ZCCHC17: variants seen among roughly 807,000 people sequenced by gnomAD.
ZCCHC17 encodes zinc finger CCHC domain-containing protein 17.
A neutral mutation model predicts 30.6 loss-of-function variants in ZCCHC17; 18 were observed. The ratio of observed to expected loss-of-function variants is 0.59; its 90% CI spans 0.41 to 0.87. The LOEUF (loss-of-function observed/expected upper bound fraction) is 0.87, where lower values mean the gene tolerates loss of function less well. Ranked by LOEUF, ZCCHC17 falls within the 40% of genes least tolerant of loss-of-function variation. The pLI is 0.00. For missense variants in ZCCHC17, 263 were observed against 284.2 expected, an observed-to-expected ratio of 0.93 and a Z score of 0.54; for synonymous variants, 88 against 92.4, an observed-to-expected ratio of 0.95 and a Z score of 0.27.
chr1:31,363,182 CTTTTTTTT>C (rs374893533), intron 7 of ZCCHC17, among the ~76,000 whole-genome samples: 1 of 135,644 alleles, frequency 7.4e-6, no homozygotes, highest in Non-Finnish European at 1.6e-5. Flanking sequence ...ATGTCTTATA[CTTTTTTTT>C]TTTTTTTTTT....
intron 3 of ZCCHC17, among the ~76,000 whole-genome samples, chr1:31,326,852 A>G (rs937373345): frequency 3.9e-5 from 6 of 152,186 alleles, no homozygotes; most frequent in Non-Finnish European, 8.8e-5. Flanking sequence ...CTTACAGTGT[A>G]TCTTAGTTTC....
intron 6 of ZCCHC17, among the ~76,000 whole-genome samples, chr1:31,348,071 G>A (rs189439530): frequency 1.3e-5 from 2 of 152,242 alleles, no homozygotes; most frequent in East Asian, 1.9e-4. Context: ...CCTTAACCGT[G>A]TCCAACAGGC....
chr1:31,317,376 G>A (rs1394517500), intron 2 of ZCCHC17, among the ~76,000 whole-genome samples: 1 of 152,086 alleles, frequency 6.6e-6, no homozygotes, highest in Non-Finnish European at 1.5e-5. Context: ...TAATCTTTTT[G>A]TGCTTCAGTG....
intron 1 of ZCCHC17, among the ~76,000 whole-genome samples, chr1:31,307,207 A>G (rs1191245183): frequency 6.6e-6 from 1 of 151,038 alleles, no homozygotes; most frequent in Non-Finnish European, 1.5e-5. Context: ...TCCTGGCCTC[A>G]AGTGATCCTC....
At chr1:31,312,676 GAATT>G (rs1646633721) in intron 2 of ZCCHC17, among the ~76,000 whole-genome samples, 1 of 152,150 alleles carries the variant, frequency 6.6e-6, no homozygotes, top group Non-Finnish European at 1.5e-5. Flanking sequence ...GACATAGTAG[GAATT>G]AATTAATGTT....
intron 2 of ZCCHC17, among the ~76,000 whole-genome samples, chr1:31,311,529 T>A (rs6425736): frequency 0.54 from 82,345 of 152,196 alleles, 23,184 homozygotes; most frequent in Non-Finnish European, 0.62. Context: ...TTCTCACAGT[T>A]CTGGAGGCTG....
At position 31,364,271 on chromosome 1, in the gene ZCCHC17, T is replaced by C; in HGVS notation, c.*78T>C. 1 of 1,510,226 alleles carries C rather than the reference T, an allele frequency of 6.6e-7. No homozygotes were observed. The allele number at this position is 1,510,226 out of a possible 1,614,324, so 93.6% of individuals were successfully genotyped here. A position where few individuals can be genotyped will look rare whatever the true frequency, so the allele number is the denominator to read the frequency against. On this transcript the variant is annotated 3_prime_UTR_variant, in exon 8 of 8. Coordinates refer to ENST00000344147, the MANE Select transcript of ZCCHC17 (RefSeq NM_016505.4). Reference sequence around the variant, plus strand: ...CCTTGAGACTCCTGGAAAGACTCAATAGTGAGAATATAGCCTCCCACCCCA... The same window carrying C: ...CCTTGAGACTCCTGGAAAGACTCAACAGTGAGAATATAGCCTCCCACCCCA...
chr1:31,316,955 A>G (rs549921993), intron 2 of ZCCHC17, among the ~76,000 whole-genome samples: 1 of 151,742 alleles, frequency 6.6e-6, no homozygotes, highest in Admixed American at 6.6e-5. Flanking sequence ...AGTAATGATG[A>G]TATTTGGTTA....
At chr1:31,305,576 A>T (rs1273638161) in intron 1 of ZCCHC17, among the ~76,000 whole-genome samples, 1 of 152,094 alleles carries the variant, frequency 6.6e-6, no homozygotes, top group Non-Finnish European at 1.5e-5. Context: ...GGCGTGAGCC[A>T]CCATGCCCGG....
intron 3 of ZCCHC17, among the ~76,000 whole-genome samples, chr1:31,326,759 G>A (rs918605805): frequency 2.0e-5 from 3 of 152,142 alleles, no homozygotes; most frequent in Admixed American, 2.0e-4. Flanking sequence ...GAGAGCTCAG[G>A]GAGCCAAATA....
chr1:31,338,872 G>A, intron 4 of ZCCHC17, 85 bp from the exon 5 acceptor site: 2 of 838,738 alleles, frequency 2.4e-6, no homozygotes, highest in Non-Finnish European at 3.8e-6. Flanking sequence ...TCAATGTTAT[G>A]ATGAAAACGT....
chr1:31,324,782 G>A (rs1203816230), intron 3 of ZCCHC17, among the ~76,000 whole-genome samples: 1 of 152,152 alleles, frequency 6.6e-6, no homozygotes, highest in East Asian at 1.9e-4. Context: ...GTGCCCCTGG[G>A]CACAGAACAA....
chr1:31,305,662 G>A (rs927505557), intron 1 of ZCCHC17, among the ~76,000 whole-genome samples: 10 of 151,788 alleles, frequency 6.6e-5, no homozygotes, highest in African/African-American at 1.7e-4. Context: ...GGCTGGCCTC[G>A]AACTTCTGGT....
chr1:31,330,181 T>G (rs916688059), intron 3 of ZCCHC17, among the ~76,000 whole-genome samples: 6 of 152,206 alleles, frequency 3.9e-5, no homozygotes, highest in African/African-American at 7.2e-5. Context: ...GTGGAAGTTG[T>G]GGAAGAAATT....
chr1:31,362,637 A>G (rs748579946), intron 7 of ZCCHC17, among the ~76,000 whole-genome samples: 1 of 152,220 alleles, frequency 6.6e-6, no homozygotes, highest in Non-Finnish European at 1.5e-5. Context: ...ATTCAAGGGT[A>G]GCAAGTACAG....
intron 4 of ZCCHC17, among the ~76,000 whole-genome samples, chr1:31,337,788 G>C (rs180985551): frequency 6.6e-6 from 1 of 152,160 alleles, no homozygotes; most frequent in East Asian, 1.9e-4. Flanking sequence ...CCGACCACAG[G>C]AGAAATAAGA....
At chr1:31,347,112 A>G (rs942970937) in intron 6 of ZCCHC17, among the ~76,000 whole-genome samples, 5 of 152,212 alleles carry the variant, frequency 3.3e-5, no homozygotes, top group African/African-American at 1.2e-4. Flanking sequence ...ACTTAGACAT[A>G]TATAACTTAA....
chr1:31,305,303 A>G (rs1646424882), intron 1 of ZCCHC17, among the ~76,000 whole-genome samples: 1 of 151,116 alleles, frequency 6.6e-6, no homozygotes, highest in South Asian at 2.1e-4. Context: ...TTTTTGAGAC[A>G]GGGTTTCATT....
intron 6 of ZCCHC17, among the ~76,000 whole-genome samples, chr1:31,348,447 A>G (rs1639352531): frequency 6.6e-6 from 1 of 152,210 alleles, no homozygotes; most frequent in Non-Finnish European, 1.5e-5. Context: ...CCTGCCACTC[A>G]GCTCCTTCTG....
Sources: gnomAD v4.1 joint callset for allele counts (sites outside exome capture counted in the v4.1 genomes callset) on GRCh38, gnomAD v4.1.1 for gene constraint, MANE v1.5 for transcripts, NCBI Gene and HGNC (gene_info 2026-07-23, HGNC 2026-07-21) for gene names.